Variants in IQCJ observed in about 807,000 individuals in gnomAD.
IQCJ encodes IQ domain-containing protein J.
In IQCJ, 9 loss-of-function variants were observed where a neutral mutation model predicts 11.0. The observed-to-expected ratio is 0.82, with a 90% CI of 0.49 to 1.43. IQCJ has a LOEUF of 1.43. Among genes scored for constraint, IQCJ ranks in the 40% most tolerant of loss-of-function variants. The probability of loss-of-function intolerance (pLI) is 0.00; values close to 1 mark genes in which losing one functional copy is unlikely to be tolerated. For missense variants in IQCJ, 146 were observed against 133.2 expected, an observed-to-expected ratio of 1.10 and a Z score of -0.47; for synonymous variants, 55 against 51.3, an observed-to-expected ratio of 1.07 and a Z score of -0.31.
chr3:159,083,190 G>T (rs1278594724), intron 1 of IQCJ, among the ~76,000 whole-genome samples: 3 of 152,086 alleles, frequency 2.0e-5, no homozygotes, highest in Admixed American at 2.0e-4. Flanking sequence ...TAGCCTGGGG[G>T]ACAATATTTG....
intron 1 of IQCJ, among the ~76,000 whole-genome samples, chr3:159,113,395 T>C (rs1718755865): frequency 1.3e-5 from 2 of 152,184 alleles, no homozygotes; most frequent in Non-Finnish European, 2.9e-5. Context: ...GCGTAGACTG[T>C]AGATTTATCA....
At chr3:159,168,190 T>A (rs1213231077) in intron 1 of IQCJ, among the ~76,000 whole-genome samples, 1 of 152,180 alleles carries the variant, frequency 6.6e-6, no homozygotes, top group Non-Finnish European at 1.5e-5. Flanking sequence ...ATCCGGCCTT[T>A]ACCAGTCTCC....
chr3:159,171,084 A>G (rs73029418), intron 1 of IQCJ, among the ~76,000 whole-genome samples: 3,516 of 152,168 alleles, frequency 0.023, 138 homozygotes, highest in African/African-American at 0.079. Flanking sequence ...CCCATCTTTA[A>G]AGTTATTCTC....
chr3:159,196,345 A>G (rs1011473417), intron 1 of IQCJ, among the ~76,000 whole-genome samples: 1 of 152,256 alleles, frequency 6.6e-6, no homozygotes, highest in East Asian at 1.9e-4. Context: ...CCATTTTAAA[A>G]TAAGAAATCC....
At chr3:159,112,328 T>A (rs1324986302) in intron 1 of IQCJ, among the ~76,000 whole-genome samples, 1 of 152,116 alleles carries the variant, frequency 6.6e-6, no homozygotes, top group Non-Finnish European at 1.5e-5. Flanking sequence ...AAAATTGGAT[T>A]TTTTTTTCAA....
chr3:159,188,072 G>T (rs750237886), intron 1 of IQCJ, among the ~76,000 whole-genome samples: 1 of 152,158 alleles, frequency 6.6e-6, no homozygotes, highest in Non-Finnish European at 1.5e-5. Context: ...GGATGCCTCT[G>T]CCACCATCAT....
In IQCJ at chr3:159,192,556, A is replaced by G. The variant is rs1723749368; in HGVS notation, c.10-53287A>G. ...AACTCTGGAGCTAGCATGGCCCTTCAGAGTTATTTGGAGTTGAGACAAAAG... is the reference window on the plus strand; with the variant it reads ...AACTCTGGAGCTAGCATGGCCCTTCGGAGTTATTTGGAGTTGAGACAAAAG... On this transcript the variant is annotated intron_variant, in intron 1 of 3. Coordinates refer to ENST00000397832, the MANE Select transcript of IQCJ (RefSeq NM_001042706.3). 2.0e-5 allele frequency among the ~76,000 whole-genome samples: 3 copies of G among 152,200 alleles called. No individual in the cohort carries two copies. The South Asian group carries it at 6.2e-4, about 32-fold the overall frequency.
chr3:159,179,702 C>T lies in IQCJ; in HGVS notation c.10-66141C>T, dbSNP rs12494913. Among the ~76,000 whole-genome samples the T allele has an allele frequency of 6.0e-3, 907 of 152,216 alleles. 41 individuals are homozygous for T. Among genetic ancestry groups the T allele is most frequent in the Admixed American group, 0.056 (851 of 15,268 alleles). On this transcript the variant is annotated intron_variant, in intron 1 of 3. Coordinates refer to ENST00000397832, the MANE Select transcript of IQCJ (RefSeq NM_001042706.3). Reference sequence around the variant, plus strand: ...GAGACTGACAATAGCTATAAAAATACGTACCATTTATTAAGCATTTAATAA... The same window carrying T: ...GAGACTGACAATAGCTATAAAAATATGTACCATTTATTAAGCATTTAATAA...
intron 1 of IQCJ, among the ~76,000 whole-genome samples, chr3:159,200,853 T>C (rs758537054): frequency 2.0e-5 from 3 of 152,042 alleles, no homozygotes; most frequent in Admixed American, 1.3e-4. Flanking sequence ...AAGGCTAGTG[T>C]TGGTCGCAGG....
chr3:159,082,976 C>CA (rs1199451068), intron 1 of IQCJ, among the ~76,000 whole-genome samples: 1 of 152,060 alleles, frequency 6.6e-6, no homozygotes, highest in African/African-American at 2.4e-5. Flanking sequence ...TAATGGACCA[C>CA]AGACTTGAAT....
At chr3:159,253,061 TC>T (rs1458836942) in intron 3 of IQCJ, among the ~76,000 whole-genome samples, 1 of 152,158 alleles carries the variant, frequency 6.6e-6, no homozygotes, top group East Asian at 1.9e-4. Flanking sequence ...TCTAGTACAA[TC>T]CTTTAACTTC....
intron 2 of IQCJ, 38 bp downstream of exon 2, chr3:159,245,945 T>G (rs1727246923): frequency 1.4e-6 from 2 of 1,442,922 alleles, no homozygotes; most frequent in Admixed American, 2.2e-5. Flanking sequence ...TCTGCAAGGT[T>G]GGAAAGCTTG....
At chr3:159,129,389 C>A (rs2108157548) in intron 1 of IQCJ, among the ~76,000 whole-genome samples, 1 of 152,316 alleles carries the variant, frequency 6.6e-6, no homozygotes, top group Non-Finnish European at 1.5e-5. Context: ...GTAACATCTG[C>A]AAATCTAATT....
intron 1 of IQCJ, among the ~76,000 whole-genome samples, chr3:159,080,217 TTGG>T (rs1475722463): frequency 6.6e-6 from 1 of 152,168 alleles, no homozygotes; most frequent in Non-Finnish European, 1.5e-5. Context: ...AACTTTGCTT[TTGG>T]TGGAATATAA....
chr3:159,168,259 T>C (rs925700825), intron 1 of IQCJ, among the ~76,000 whole-genome samples: 7 of 152,146 alleles, frequency 4.6e-5, no homozygotes, highest in Non-Finnish European at 1.0e-4. Flanking sequence ...AGGACTAGGC[T>C]GGGGATGAAC....
chr3:159,163,695 T>C (rs1303640405), intron 1 of IQCJ, among the ~76,000 whole-genome samples: 1 of 152,190 alleles, frequency 6.6e-6, no homozygotes, highest in African/African-American at 2.4e-5. Context: ...CACTTGATCC[T>C]TGTAACAATC....
chr3:159,134,194 C>T (rs1720156012), intron 1 of IQCJ, among the ~76,000 whole-genome samples: 1 of 152,072 alleles, frequency 6.6e-6, no homozygotes, highest in Non-Finnish European at 1.5e-5. Context: ...TCTCCTGTGG[C>T]AGATCACTTT....
chr3:159,102,000 A>T (rs1192644888), intron 1 of IQCJ, among the ~76,000 whole-genome samples: 1 of 152,210 alleles, frequency 6.6e-6, no homozygotes, highest in East Asian at 1.9e-4. Flanking sequence ...AGAAAAAAGT[A>T]ATCACATCTG....
At chr3:159,102,318 G>A (rs1717984014) in intron 1 of IQCJ, among the ~76,000 whole-genome samples, 1 of 152,128 alleles carries the variant, frequency 6.6e-6, no homozygotes. Context: ...CTTGGTAATA[G>A]TATTATCCTT....
Sources: allele counts gnomAD v4.1 joint callset (sites outside exome capture counted in the v4.1 genomes callset), GRCh38; gene constraint gnomAD v4.1.1; transcripts MANE v1.5; gene names NCBI Gene and HGNC (gene_info 2026-07-23, HGNC 2026-07-21).